Variants in SLC44A5 observed in about 807,000 individuals in gnomAD.
SLC44A5 encodes the protein choline transporter-like protein 5.
SLC44A5 carries 57 observed loss-of-function variants against 101.8 expected under a neutral mutation model. The ratio of observed to expected loss-of-function variants is 0.56; its 90% CI spans 0.45 to 0.70. The LOEUF (loss-of-function observed/expected upper bound fraction) is 0.70. SLC44A5 is among the 30% of genes least tolerant of loss of function. The pLI is 0.00. For synonymous variants in SLC44A5, 281 were observed against 290.9 expected (o/e 0.97, Z 0.35); for missense variants, 737 against 853.1 (o/e 0.86, Z 1.70).
intron 1 of SLC44A5, among the ~76,000 whole-genome samples, chr1:75,577,232 C>A (rs1320569254): frequency 6.6e-6 from 1 of 152,236 alleles, no homozygotes; most frequent in Non-Finnish European, 1.5e-5. Flanking sequence ...CTCTTGCCCC[C>A]ACAGTCTATT....
chr1:75,271,583 T>C (rs1312068547), intron 6 of SLC44A5, among the ~76,000 whole-genome samples: 1 of 151,998 alleles, frequency 6.6e-6, no homozygotes, highest in Non-Finnish European at 1.5e-5. Flanking sequence ...TTTCTATTCC[T>C]GAGTTACTTC....
the SLC44A5 span, among the ~76,000 whole-genome samples, chr1:75,683,953 G>A: frequency 1.2e-4 from 19 of 152,188 alleles, no homozygotes; most frequent in East Asian, 1.5e-3. Context: ...GTATTAGTTC[G>A]TTTTCATGCT....
chr1:75,544,483 TTC>T (rs1223439940), intron 1 of SLC44A5, among the ~76,000 whole-genome samples: 9 of 152,126 alleles, frequency 5.9e-5, no homozygotes, highest in African/African-American at 2.2e-4. Context: ...CACTTTTGAT[TTC>T]TCTTTCTGTG....
At chr1:75,682,322 G>C in the SLC44A5 span, among the ~76,000 whole-genome samples, 1 of 152,014 alleles carries the variant, frequency 6.6e-6, no homozygotes, top group Non-Finnish European at 1.5e-5. Flanking sequence ...AAAGAACAAA[G>C]CTGGAGGCAT....
intron 3 of SLC44A5, among the ~76,000 whole-genome samples, chr1:75,383,973 G>A (rs1436037750): frequency 6.6e-6 from 1 of 151,662 alleles, no homozygotes; most frequent in Non-Finnish European, 1.5e-5. Context: ...ATAAGCGAAG[G>A]AGAAATAAAA....
chr1:75,254,695 A>G (rs1311911518), intron 6 of SLC44A5, among the ~76,000 whole-genome samples: 1 of 151,984 alleles, frequency 6.6e-6, no homozygotes, highest in Admixed American at 6.6e-5. Flanking sequence ...ATGCACATAC[A>G]GGGGTACAGG....
the SLC44A5 span, among the ~76,000 whole-genome samples, chr1:75,657,816 C>G: frequency 6.6e-6 from 1 of 151,974 alleles, no homozygotes; most frequent in Non-Finnish European, 1.5e-5. Flanking sequence ...GACTGCAATA[C>G]AACAATAGTA....
chr1:75,285,635 T>C (rs1652976633), intron 5 of SLC44A5, among the ~76,000 whole-genome samples: 1 of 152,106 alleles, frequency 6.6e-6, no homozygotes, highest in South Asian at 2.1e-4. Context: ...AGCACCACTT[T>C]TGCTGTATCC....
At chr1:75,674,384 A>ATT in the SLC44A5 span, among the ~76,000 whole-genome samples, 3 of 148,724 alleles carry the variant, frequency 2.0e-5, no homozygotes, top group African/African-American at 7.3e-5. Flanking sequence ...AGAAAAAAGG[A>ATT]TTTTTTTTTT....
chr1:75,243,320 A>G (rs1026585781), intron 7 of SLC44A5, among the ~76,000 whole-genome samples: 13 of 151,918 alleles, frequency 8.6e-5, no homozygotes, highest in Non-Finnish European at 2.9e-5. Flanking sequence ...TATTTTTTGC[A>G]GAGTCGGGGT....
At chr1:75,615,591 G>C (rs1374013631), upstream of SLC44A5, among the ~76,000 whole-genome samples, 1 of 151,986 alleles carries the variant, frequency 6.6e-6, no homozygotes, top group Non-Finnish European at 1.5e-5. Flanking sequence ...CAAGCTCGCC[G>C]AGTAGCAAAG....
intron 3 of SLC44A5, among the ~76,000 whole-genome samples, chr1:75,369,098 C>T (rs937384595): frequency 6.6e-5 from 10 of 152,028 alleles, no homozygotes; most frequent in Admixed American, 1.3e-4. Context: ...ACTGCAGCCT[C>T]CAATTCCTGG....
At chr1:75,521,834 C>T (rs757311061) in intron 2 of SLC44A5, 10 of 153,686 alleles carry the variant, frequency 6.5e-5, no homozygotes, top group Non-Finnish European at 1.2e-4. Flanking sequence ...TTGGGACAGA[C>T]ATCACATGAG....
intron 22 of SLC44A5, 30 bp from the exon 23 acceptor site, chr1:75,211,582 T>C (rs947271451): frequency 2.0e-6 from 3 of 1,464,508 alleles, no homozygotes; most frequent in Non-Finnish European, 2.9e-6. Context: ...AGAACCAACA[T>C]GTCATTTACT....
chr1:75,355,845 T>A (rs1488656265), intron 3 of SLC44A5, among the ~76,000 whole-genome samples: 1 of 152,194 alleles, frequency 6.6e-6, no homozygotes, highest in Non-Finnish European at 1.5e-5. Context: ...TGTTTATGTA[T>A]TTACTATACT....
At chr1:75,607,771 C>T (rs1675411120) in intron 1 of SLC44A5, among the ~76,000 whole-genome samples, 1 of 151,974 alleles carries the variant, frequency 6.6e-6, no homozygotes, top group South Asian at 2.1e-4. Context: ...TAAGATGTGA[C>T]TTTGTTCCTC....
intron 1 of SLC44A5, among the ~76,000 whole-genome samples, chr1:75,577,451 C>T (rs920340719): frequency 4.6e-5 from 7 of 152,150 alleles, no homozygotes; most frequent in Non-Finnish European, 1.0e-4. Flanking sequence ...TCAGAGCCTT[C>T]GCACTTATTC....
chr1:75,633,236 G>GT, the SLC44A5 span, among the ~76,000 whole-genome samples: 1 of 152,140 alleles, frequency 6.6e-6, no homozygotes, highest in African/African-American at 2.4e-5. Flanking sequence ...CTTTAAAGTA[G>GT]TTTTTTCCAA....
chr1:75,275,631 AGT>A (rs1458251429), intron 5 of SLC44A5, among the ~76,000 whole-genome samples: 1 of 152,168 alleles, frequency 6.6e-6, no homozygotes. Flanking sequence ...AGAAGTATCA[AGT>A]GATCTCAAAC....
Sources: allele counts gnomAD v4.1 joint callset (sites outside exome capture counted in the v4.1 genomes callset), GRCh38; gene constraint gnomAD v4.1.1; transcripts MANE v1.5; gene names NCBI Gene and HGNC (gene_info 2026-07-23, HGNC 2026-07-21).